The following TSHZ2 variants were observed in gnomAD, a reference collection of about 807,000 sequenced individuals.
TSHZ2 encodes the protein teashirt homolog 2.
In TSHZ2, 21 loss-of-function variants were observed where a neutral mutation model predicts 74.4. The ratio of observed to expected loss-of-function variants is 0.28; its 90% CI spans 0.20 to 0.41. The LOEUF is 0.41. Ranked by LOEUF, TSHZ2 falls within the 10% of genes least tolerant of loss-of-function variation. The pLI, the probability that TSHZ2 is intolerant of heterozygous loss-of-function variation, is 1.00. For missense variants in TSHZ2, 1,244 were observed against 1,293.5 expected (o/e 0.96, Z 0.59); for synonymous variants, 540 against 515.3 (o/e 1.05, Z -0.65).
At chr20:52,997,228 A>G (rs1013107591) in intron 1 of TSHZ2, among the ~76,000 whole-genome samples, 5 of 150,664 alleles carry the variant, frequency 3.3e-5, no homozygotes, top group Admixed American at 2.6e-4. Context: ...TCCCAGCTTC[A>G]TCTGCCCTGG....
intron 1 of TSHZ2, among the ~76,000 whole-genome samples, chr20:52,977,633 A>G (rs1981396647): frequency 6.6e-6 from 1 of 151,958 alleles, no homozygotes; most frequent in African/African-American, 2.4e-5. Context: ...TCCTTTTCCC[A>G]CCCCCGTCTT....
intron 1 of TSHZ2, among the ~76,000 whole-genome samples, chr20:53,211,183 T>C (rs1190112754): frequency 6.6e-6 from 1 of 152,210 alleles, no homozygotes; most frequent in Non-Finnish European, 1.5e-5. Context: ...ATTATTATTA[T>C]GCTCAATTTA....
intron 1 of TSHZ2, among the ~76,000 whole-genome samples, chr20:53,199,609 G>T (rs1054707605): frequency 1.3e-5 from 2 of 152,198 alleles, no homozygotes; most frequent in Admixed American, 6.5e-5. Flanking sequence ...TCAAGTCTCT[G>T]ACTTTCCTTA....
intron 2 of TSHZ2, among the ~76,000 whole-genome samples, chr20:53,289,638 C>G (rs994186030): frequency 1.3e-5 from 2 of 152,170 alleles, no homozygotes; most frequent in East Asian, 3.9e-4. Flanking sequence ...TATTCATGTC[C>G]TTTGGAGGAA....
At chr20:53,174,968 T>A (rs192126104) in intron 1 of TSHZ2, among the ~76,000 whole-genome samples, 152 of 152,204 alleles carry the variant, frequency 1.0e-3, no homozygotes, top group Middle Eastern at 3.4e-3. Flanking sequence ...ATAATCTTTC[T>A]TGGCTCTTCG....
chr20:53,041,536 G>A (rs189460623), intron 1 of TSHZ2, among the ~76,000 whole-genome samples: 23 of 152,250 alleles, frequency 1.5e-4, no homozygotes, highest in Admixed American at 1.2e-3. Flanking sequence ...CAGGACCAAC[G>A]ACATAAAGGG....
intron 2 of TSHZ2, among the ~76,000 whole-genome samples, chr20:53,286,886 TACACAC>T (rs71194467): frequency 0.017 from 2,407 of 139,478 alleles, 28 homozygotes; most frequent in African/African-American, 0.034. Context: ...GTCTCAAAAA[TACACAC>T]ACACACACAC....
At chr20:53,452,512 T>C (rs1003247255) in intron 2 of TSHZ2, among the ~76,000 whole-genome samples, 2 of 151,554 alleles carry the variant, frequency 1.3e-5, no homozygotes, top group Non-Finnish European at 2.9e-5. Context: ...AGGCAGAGAA[T>C]TGCTTGAACC....
intron 1 of TSHZ2, among the ~76,000 whole-genome samples, chr20:53,204,223 T>C (rs1989092803): frequency 6.8e-6 from 1 of 146,358 alleles, no homozygotes; most frequent in African/African-American, 2.5e-5. Context: ...TACTATATCA[T>C]CATATGATGA....
At chr20:53,291,993 T>TAAA (rs11411553) in intron 2 of TSHZ2, among the ~76,000 whole-genome samples, 29 of 141,272 alleles carry the variant, frequency 2.1e-4, no homozygotes, top group African/African-American at 6.5e-4. Flanking sequence ...GGATAGCATT[T>TAAA]AAAAAAAAAA....
rs563208919 is a variant in TSHZ2, at chr20:53,042,114, G to A, written c.40+68781G>A. Among the ~76,000 whole-genome samples, 7 of 152,058 alleles carry A rather than the reference G, an allele frequency of 4.6e-5. No individual in the cohort carries two copies. In the South Asian group the frequency reaches 1.5e-3, roughly 32 times the overall value. On this transcript the variant is annotated intron_variant, in intron 1 of 2. Coordinates refer to ENST00000371497, the MANE Select transcript of TSHZ2 (RefSeq NM_173485.6). ...AAATGTGTGGGGGCATGTTTCAAAAGCATATATATTAATATCTTCTGTGTG... is the reference window on the plus strand; with the variant it reads ...AAATGTGTGGGGGCATGTTTCAAAAACATATATATTAATATCTTCTGTGTG...
intron 2 of TSHZ2, among the ~76,000 whole-genome samples, chr20:53,461,282 C>T (rs62206375): frequency 0.024 from 3,597 of 152,212 alleles, 67 homozygotes; most frequent in Non-Finnish European, 0.035. Context: ...GCGCTGTATT[C>T]GGGTGGGAGT....
At chr20:53,298,028 G>A (rs953460317) in intron 2 of TSHZ2, among the ~76,000 whole-genome samples, 11 of 152,192 alleles carry the variant, frequency 7.2e-5, no homozygotes, top group African/African-American at 2.7e-4. Context: ...CTTCTTGGAT[G>A]GGTGGTGTCT....
intron 1 of TSHZ2, among the ~76,000 whole-genome samples, chr20:53,141,004 C>T (rs909405426): frequency 6.1e-5 from 9 of 147,172 alleles, no homozygotes; most frequent in African/African-American, 2.2e-4. Flanking sequence ...TTCCTCCTTG[C>T]ACTGTGGAAA....
intron 2 of TSHZ2, among the ~76,000 whole-genome samples, chr20:53,430,655 C>T (rs1243003460): frequency 2.6e-5 from 4 of 151,752 alleles, no homozygotes; most frequent in Non-Finnish European, 4.4e-5. Context: ...CATAGTGAGA[C>T]CCCATCTCTT....
chr20:53,395,396 T>G (rs778567057), intron 2 of TSHZ2, among the ~76,000 whole-genome samples: 4 of 152,202 alleles, frequency 2.6e-5, no homozygotes, highest in Non-Finnish European at 5.9e-5. Flanking sequence ...GGAGCCTGCA[T>G]CAGTCTCTAA....
At chr20:53,342,075 C>A (rs966454334) in intron 2 of TSHZ2, among the ~76,000 whole-genome samples, 1 of 152,178 alleles carries the variant, frequency 6.6e-6, no homozygotes, top group Non-Finnish European at 1.5e-5. Flanking sequence ...ATGCCCCACA[C>A]CCAGTTTCCC....
chr20:53,216,550 C>A (rs879602367), intron 1 of TSHZ2, among the ~76,000 whole-genome samples: 3 of 152,136 alleles, frequency 2.0e-5, no homozygotes, highest in Non-Finnish European at 2.9e-5. Context: ...CCCAACCAAC[C>A]CTTCACCAGC....
intron 2 of TSHZ2, among the ~76,000 whole-genome samples, chr20:53,324,185 G>A (rs1428426319): frequency 6.6e-6 from 1 of 152,064 alleles, no homozygotes; most frequent in Admixed American, 6.5e-5. Context: ...TCCAGTGGCG[G>A]GATGCTCGGG....
Sources: allele counts gnomAD v4.1 joint callset (sites outside exome capture counted in the v4.1 genomes callset), GRCh38; gene constraint gnomAD v4.1.1; transcripts MANE v1.5; gene names NCBI Gene and HGNC (gene_info 2026-07-23, HGNC 2026-07-21).